Variants in IL16 observed in about 807,000 individuals in gnomAD.
The protein encoded by IL16 is pro-interleukin-16.
In IL16, 67 loss-of-function variants were observed where a neutral mutation model predicts 110.1. The ratio of observed to expected loss-of-function variants is 0.61; its 90% CI spans 0.50 to 0.75. IL16 has a LOEUF of 0.75. IL16 is among the 30% of genes least tolerant of loss of function. The pLI is 0.00. For missense variants in IL16, 1,545 were observed against 1,655.0 expected (o/e 0.93, Z 1.15); for synonymous variants, 689 against 662.9 (o/e 1.04, Z -0.61).
rs1206373306 is a variant in IL16 at position 81,278,678 on chromosome 15, C to G, written c.791-139C>G. On this transcript the variant is annotated intron_variant, in intron 6 of 18. Coordinates refer to ENST00000683961, the MANE Select transcript of IL16 (RefSeq NM_172217.5). ...CTGCCTGCTTCGCAAGGGGAGAGCA[C>G]AAAATGAGAAAATGTTCTTCCAGAG... 6 of 684,092 alleles carry G rather than the reference C, an allele frequency of 8.8e-6. No individual in the cohort carries two copies. In the East Asian group the frequency reaches 1.3e-4, roughly 15 times the overall value. The allele number at this position is 684,092 out of a possible 1,614,324, so 42.4% of individuals were successfully genotyped here.
chr15:81,244,004 T>C (rs1897445051), intron 2 of IL16, among the ~76,000 whole-genome samples: 1 of 152,198 alleles, frequency 6.6e-6, no homozygotes, highest in Non-Finnish European at 1.5e-5. Flanking sequence ...ATAAAAAATC[T>C]TGTATAGCTT....
upstream of IL16, among the ~76,000 whole-genome samples, chr15:81,193,941 A>G (rs979092036): frequency 6.6e-6 from 1 of 152,232 alleles, no homozygotes; most frequent in Non-Finnish European, 1.5e-5. Context: ...AAATTGTTAC[A>G]TTACTAGTTA....
upstream of IL16, among the ~76,000 whole-genome samples, chr15:81,193,621 G>A (rs529218310): frequency 3.9e-5 from 6 of 152,258 alleles, no homozygotes; most frequent in South Asian, 4.2e-4. Flanking sequence ...TAGAATTTTC[G>A]TATGAAGTTA....
rs1392374152 is a variant in IL16 at position 81,256,486 on chromosome 15, A to C, written c.313-3286A>C. ...GTAGCTGGGACCACAGGTGCATGCCAACATGCCGGCTAGTTTTTTTGTATT... is the reference window on the plus strand; with the variant it reads ...GTAGCTGGGACCACAGGTGCATGCCCACATGCCGGCTAGTTTTTTTGTATT... On this transcript the variant is annotated intron_variant, in intron 2 of 18. Coordinates refer to ENST00000683961, the MANE Select transcript of IL16 (RefSeq NM_172217.5). Among the ~76,000 whole-genome samples the C allele has an allele frequency of 3.3e-5, 5 of 152,038 alleles. No individual in the cohort carries two copies. In the East Asian group the frequency reaches 9.7e-4, roughly 29 times the overall value.
chr15:81,234,787 C>T (rs944516249), intron 2 of IL16, among the ~76,000 whole-genome samples: 1 of 152,168 alleles, frequency 6.6e-6, no homozygotes, highest in Admixed American at 6.5e-5. Flanking sequence ...ATGAGATCTA[C>T]ATGTTAAGTG....
intron 5 of IL16, 135 bp from the exon 6 acceptor site, chr15:81,272,955 A>AT: frequency 1.8e-6 from 1 of 548,216 alleles, no homozygotes; most frequent in Non-Finnish European, 3.4e-6. Flanking sequence ...AACCTCTGAG[A>AT]CCTCTGAGAC....
rs535637545 is a variant in IL16 at position 81,262,773 on chromosome 15, A to G, written c.422-2886A>G. Among the ~76,000 whole-genome samples, 11 of 152,202 alleles carry G rather than the reference A, an allele frequency of 7.2e-5. No homozygotes were observed. In the South Asian group the frequency reaches 2.3e-3, roughly 32 times the overall value. On this transcript the variant is annotated intron_variant, in intron 3 of 18. Coordinates refer to ENST00000683961, the MANE Select transcript of IL16 (RefSeq NM_172217.5). Reference sequence around the variant, plus strand: ...ATAGAGAAACCCTGTCTCTACTAAAAATACAAAATTAGCCGGGAGTGGTGG... The same window carrying G: ...ATAGAGAAACCCTGTCTCTACTAAAGATACAAAATTAGCCGGGAGTGGTGG...
intron 2 of IL16, among the ~76,000 whole-genome samples, chr15:81,245,327 C>G (rs1385645478): frequency 6.6e-6 from 1 of 152,112 alleles, no homozygotes; most frequent in African/African-American, 2.4e-5. Context: ...GAAGGGGCCA[C>G]CATTTGTTAC....
At chr15:81,298,503 A>G (rs1001848898) in intron 13 of IL16, among the ~76,000 whole-genome samples, 1 of 152,210 alleles carries the variant, frequency 6.6e-6, no homozygotes, top group Non-Finnish European at 1.5e-5. Flanking sequence ...GCTGGCACAG[A>G]GCAGGTTGCA....
chr15:81,197,081 G>A lies in IL16; in HGVS notation c.-173G>A, dbSNP rs1028829073. The A allele has an allele frequency of 9.3e-6, 12 of 1,288,868 alleles. No homozygotes were observed. Among genetic ancestry groups the A allele is most frequent in the Non-Finnish European group, 1.2e-5 (12 of 988,542 alleles). 79.8% of individuals were successfully genotyped at this position (1,288,868 alleles called of 1,614,324 possible). A position where few individuals can be genotyped will look rare whatever the true frequency, so the allele number is the denominator to read the frequency against. ...ATAAGTGGTGCTGCAATCCCTGCTG[G>A]GCAGATGGAGAGAGGAGCAAGGGAG... On this transcript the variant is annotated 5_prime_UTR_variant, in exon 1 of 19. Coordinates refer to ENST00000683961, the MANE Select transcript of IL16 (RefSeq NM_172217.5).
Position 81,312,631 on chromosome 15 carries a change from AAAAC to A in IL16, c.*3837_*3840del, listed in dbSNP as rs1433290744. ...TCCACCTTGCGGGGATAAAGAGAGA[AAAAC>A]AAATTCATCAAATGGAAGACACATT... On this transcript the variant is annotated 3_prime_UTR_variant, in exon 19 of 19. Transcript: ENST00000683961. 2 of 152,258 alleles carry A rather than the reference AAAAC, an allele frequency of 1.3e-5. No individual in the cohort carries two copies. The highest frequency in any genetic ancestry group is 2.9e-5 in the Non-Finnish European group (2 of 68,040). 9.4% of individuals were successfully genotyped at this position (152,258 alleles called of 1,614,324 possible). A position where few individuals can be genotyped will look rare whatever the true frequency, so the allele number is the denominator to read the frequency against.
chr15:81,202,270 G>C (rs1595941254), intron 1 of IL16, among the ~76,000 whole-genome samples: 1 of 152,172 alleles, frequency 6.6e-6, no homozygotes, highest in East Asian at 1.9e-4. Context: ...GGTGACACAA[G>C]CCACTGGAGT....
intron 1 of IL16, among the ~76,000 whole-genome samples, chr15:81,186,393 T>C (rs1437119092): frequency 6.6e-6 from 1 of 152,218 alleles, no homozygotes; most frequent in Non-Finnish European, 1.5e-5. Flanking sequence ...GGCGGGTCTA[T>C]TCCATCCTAA....
intron 8 of IL16, among the ~76,000 whole-genome samples, chr15:81,282,283 T>C (rs1157102827): frequency 6.6e-6 from 1 of 152,206 alleles, no homozygotes; most frequent in Non-Finnish European, 1.5e-5. Context: ...AACTGGTGTC[T>C]CCTCTGAGGC....
intron 1 of IL16, among the ~76,000 whole-genome samples, chr15:81,198,838 G>A (rs1895696139): frequency 3.3e-5 from 5 of 150,960 alleles, no homozygotes; most frequent in African/African-American, 1.2e-4. Context: ...TGGCCAACAT[G>A]GTGAAACCCT....
At chr15:81,228,049 TTG>T (rs1249513873) in intron 2 of IL16, among the ~76,000 whole-genome samples, 1 of 152,020 alleles carries the variant, frequency 6.6e-6, no homozygotes, top group Non-Finnish European at 1.5e-5. Flanking sequence ...GGGTGCGCAG[TTG>T]TACTAAGCAG....
At chr15:81,263,354 T>G (rs896600348) in intron 3 of IL16, among the ~76,000 whole-genome samples, 11 of 146,316 alleles carry the variant, frequency 7.5e-5, no homozygotes, top group Non-Finnish European at 1.0e-4. Context: ...CTATTTTTTT[T>G]TGTTTTTTTT....
rs1346020500 is a variant in IL16 at position 81,282,718 on chromosome 15, G to A, written c.1161G>A (p.Leu387=). Residue 387 remains leucine (L), a synonymous_variant, in exon 9 of 19, where the codon CTG becomes CTA. Coordinates refer to ENST00000683961, the MANE Select transcript of IL16 (RefSeq NM_172217.5). ...QCISGIFVHT[L]SPGSVAHLDG... is the part of the protein sequence containing the mutation. ...TCTCTGGCATTTTCGTCCACACGCT[G>A]TCACCAGGATCCGTGGCGCACCTGG... 2.5e-6 allele frequency: 4 copies of A among 1,614,172 alleles called. No homozygotes were observed. In the East Asian group the frequency reaches 8.9e-5, roughly 36 times the overall value.
In IL16 at chr15:81,299,510, C is replaced by G. The variant is rs142079015; in HGVS notation, c.2184C>G (p.Ile728Met). The change falls in exon 14 of 19, where the codon ATC becomes ATG. Residue 728 changes from isoleucine to methionine, a missense_variant. Around this residue, in one of 3 missense-constraint regions of IL16, gnomAD observed 1,185 missense variants for 1,238.8 expected, o/e 0.96. Coordinates refer to ENST00000683961, the MANE Select transcript of IL16 (RefSeq NM_172217.5). The part of the protein sequence containing the change: ...SDCIKNLFSP[I>M]MSENHGHMPL... ...GCATCAAAAACTTATTTAGCCCCAT[C>G]ATGAGTGAGAACCATGGCCACATGC... 4 of 1,614,092 alleles carry G rather than the reference C, an allele frequency of 2.5e-6. No individual in the cohort carries two copies. The highest frequency in any genetic ancestry group is 1.3e-5 in the African/African-American group (1 of 74,926).
Sources: gnomAD v4.1 joint callset for allele counts (sites outside exome capture counted in the v4.1 genomes callset) on GRCh38, gnomAD v4.1.1 for gene constraint, gnomAD v4.1.1 regional missense constraint, MANE v1.5 for transcripts, NCBI Gene and HGNC (gene_info 2026-07-23, HGNC 2026-07-21) for gene names.